Variants in FSTL4 observed in about 807,000 individuals in gnomAD.
FSTL4 encodes the protein follistatin-related protein 4.
FSTL4 carries 28 observed loss-of-function variants against 78.2 expected under a neutral mutation model. The ratio of observed to expected loss-of-function variants is 0.36; its 90% CI spans 0.27 to 0.49. The LOEUF is 0.49. FSTL4 is among the 20% of genes least tolerant of loss of function. The probability of loss-of-function intolerance (pLI) is 0.98; values close to 1 mark genes in which losing one functional copy is unlikely to be tolerated. For missense variants in FSTL4, 922 were observed against 1,084.9 expected, an observed-to-expected ratio of 0.85 and a Z score of 2.11; for synonymous variants, 422 against 440.5, an observed-to-expected ratio of 0.96 and a Z score of 0.53.
At chr5:133,601,888 T>G (rs1012050034) in intron 2 of FSTL4, among the ~76,000 whole-genome samples, 3 of 151,784 alleles carry the variant, frequency 2.0e-5, no homozygotes, top group African/African-American at 7.3e-5. Context: ...TTTGCTATGT[T>G]GCCCAGGCTG....
At chr5:133,734,512 G>A in the FSTL4 span, among the ~76,000 whole-genome samples, 1 of 152,330 alleles carries the variant, frequency 6.6e-6, no homozygotes, top group East Asian at 1.9e-4. Context: ...CAAGAGAATA[G>A]ATGAAGCAAA....
chr5:133,421,691 A>C (rs1392617930), intron 3 of FSTL4, among the ~76,000 whole-genome samples: 1 of 152,228 alleles, frequency 6.6e-6, no homozygotes, highest in Non-Finnish European at 1.5e-5. Context: ...AAGTGAGCCC[A>C]TCCCGCCACC....
intron 6 of FSTL4, among the ~76,000 whole-genome samples, chr5:133,298,410 C>T (rs1303404135): frequency 6.6e-6 from 1 of 152,204 alleles, no homozygotes; most frequent in Non-Finnish European, 1.5e-5. Context: ...CCACTGTGGG[C>T]CCTGGACTAG....
intron 7 of FSTL4, chr5:133,243,677 TG>T (rs1309548470): frequency 1.3e-5 from 2 of 152,252 alleles, no homozygotes. Flanking sequence ...ACGTGCCTCA[TG>T]GGGCAGGGGT....
the FSTL4 span, among the ~76,000 whole-genome samples, chr5:133,722,856 C>G: frequency 2.6e-5 from 4 of 152,160 alleles, no homozygotes; most frequent in African/African-American, 9.7e-5. Context: ...GCAACTTCTT[C>G]AGTTGTGATC....
At chr5:133,239,534 T>C (rs575090706) in intron 7 of FSTL4, among the ~76,000 whole-genome samples, 2 of 152,322 alleles carry the variant, frequency 1.3e-5, no homozygotes, top group South Asian at 4.1e-4. Context: ...ATCAGCACCC[T>C]GTGTCTAGCT....
chr5:133,395,260 C>T (rs753134356), intron 4 of FSTL4, among the ~76,000 whole-genome samples: 6 of 152,186 alleles, frequency 3.9e-5, no homozygotes, highest in African/African-American at 1.4e-4. Flanking sequence ...TCCGCACTGC[C>T]TTAGGTCTGC....
intron 4 of FSTL4, among the ~76,000 whole-genome samples, chr5:133,341,596 G>A (rs1035350923): frequency 6.5e-4 from 99 of 152,156 alleles, no homozygotes; most frequent in African/African-American, 2.4e-3. Context: ...TGCCAAGGGA[G>A]CACAGCCACC....
the FSTL4 span, among the ~76,000 whole-genome samples, chr5:133,805,285 C>T: frequency 1.3e-5 from 2 of 152,094 alleles, no homozygotes; most frequent in South Asian, 4.1e-4. Context: ...AGGCATAACC[C>T]CATGCGCTAT....
At chr5:133,753,812 T>C in the FSTL4 span, among the ~76,000 whole-genome samples, 1 of 151,950 alleles carries the variant, frequency 6.6e-6, no homozygotes. Flanking sequence ...AGTGAGTGGC[T>C]GTCTGGGCAC....
At chr5:133,638,038 C>G in the FSTL4 span, among the ~76,000 whole-genome samples, 1 of 152,006 alleles carries the variant, frequency 6.6e-6, no homozygotes, top group Non-Finnish European at 1.5e-5. Context: ...ACTGTTCCAC[C>G]CAAACTTTCT....
chr5:133,664,668 G>A, the FSTL4 span, among the ~76,000 whole-genome samples: 1 of 152,196 alleles, frequency 6.6e-6, no homozygotes, highest in East Asian at 1.9e-4. Flanking sequence ...TTGCAGCTTT[G>A]TCAGTGTTTG....
chr5:133,202,522 CT>C (rs2126760811), intron 14 of FSTL4: 1 of 152,874 alleles, frequency 6.5e-6, no homozygotes, highest in Admixed American at 6.5e-5. Flanking sequence ...CGTGGTGGAA[CT>C]GTCTACTGGG....
chr5:133,205,806 A>C (rs1318817963), intron 14 of FSTL4, among the ~76,000 whole-genome samples: 1 of 152,214 alleles, frequency 6.6e-6, no homozygotes, highest in African/African-American at 2.4e-5. Flanking sequence ...AGCCCATGAA[A>C]TTCAAAGCCA....
chr5:133,815,412 G>C, the FSTL4 span, among the ~76,000 whole-genome samples: 9 of 152,318 alleles, frequency 5.9e-5, no homozygotes, highest in African/African-American at 1.9e-4. Context: ...ATTTATGTTT[G>C]AGAGGTGGCC....
At chr5:133,316,776 G>A (rs757542268) in intron 4 of FSTL4, 124 bp from the exon 5 acceptor site, 21 of 692,796 alleles carry the variant, frequency 3.0e-5, no homozygotes, top group African/African-American at 5.3e-5. Flanking sequence ...TGCAGTGCAC[G>A]GTGCAACTGT....
chr5:133,751,136 C>T, the FSTL4 span, among the ~76,000 whole-genome samples: 1 of 152,284 alleles, frequency 6.6e-6, no homozygotes, highest in South Asian at 2.1e-4. Flanking sequence ...CAGGGTTCTC[C>T]CCTACTCAGA....
chr5:133,469,223 G>A (rs779022660), intron 3 of FSTL4, among the ~76,000 whole-genome samples: 1 of 152,186 alleles, frequency 6.6e-6, no homozygotes, highest in Non-Finnish European at 1.5e-5. Context: ...GCCGAATGGC[G>A]ATCAAGGTGA....
rs1009653254 is a variant in FSTL4, at chr5:133,427,514, G to T, written c.161-26528C>A. Reference sequence around the variant, plus strand: ...GAGTGAGTGTGTGTTGCGGGGGTGGGAGTTCTACACAACACAGGCGGCTCT... The same window carrying T: ...GAGTGAGTGTGTGTTGCGGGGGTGGTAGTTCTACACAACACAGGCGGCTCT... On this transcript the variant is annotated intron_variant, in intron 3 of 15. Coordinates refer to ENST00000265342, the MANE Select transcript of FSTL4 (RefSeq NM_015082.2). 7.5e-5 allele frequency: 33 copies of T among 439,832 alleles called. No individual in the cohort carries two copies. In the East Asian group the frequency reaches 1.8e-3, roughly 24 times the overall value. 27.2% of individuals were successfully genotyped at this position (439,832 alleles called of 1,614,324 possible).
Sources: allele counts gnomAD v4.1 joint callset (sites outside exome capture counted in the v4.1 genomes callset), GRCh38; gene constraint gnomAD v4.1.1; transcripts MANE v1.5; gene names NCBI Gene and HGNC (gene_info 2026-07-23, HGNC 2026-07-21).